TULP4: variants seen among roughly 807,000 people sequenced by gnomAD.
The protein encoded by TULP4 is TUB like protein 4, also known as tubby-related protein 4.
Under a neutral mutation model 129.0 loss-of-function variants are expected in TULP4, and 16 were observed. The observed-to-expected ratio is 0.12, with a 90% CI of 0.08 to 0.19. TULP4 has a LOEUF of 0.19. Among genes scored for constraint, TULP4 ranks in the 10% least tolerant of loss-of-function variants. The pLI is 1.00. For synonymous variants in TULP4, 998 were observed against 854.0 expected (o/e 1.17, Z -2.94); for missense variants, 1,842 against 2,059.1 (o/e 0.89, Z 2.04).
chr6:158,489,635 A>C lies in TULP4; in HGVS notation c.1534A>C (p.Asn512His). 6.2e-7 allele frequency: 1 copy of C among 1,614,198 alleles called. No homozygotes were observed. Among genetic ancestry groups the C allele is most frequent in the Non-Finnish European group, 8.5e-7 (1 of 1,180,042 alleles). Residue 512 changes from asparagine to histidine, a missense_variant, in exon 9 of 14, where the codon AAC becomes CAC. Asn to His is a moderately conservative substitution (Grantham distance 68). This residue lies in a region of TULP4 where 456 missense variants were observed against 534.3 expected (regional missense o/e 0.85). Transcript: ENST00000367097. ...SLISTVIDSC[N>H]CSDSSDIELS... ...GATTTCTACTGTGATCGACAGCTGC[A>C]ACTGCTCAGACTCCAGTGACATTGA...
intron 1 of TULP4, among the ~76,000 whole-genome samples, chr6:158,350,308 C>T (rs1454145055): frequency 2.1e-5 from 3 of 145,806 alleles, no homozygotes; most frequent in African/African-American, 7.7e-5. Flanking sequence ...AGACGCTGCT[C>T]ACTTCCTAGA....
chr6:158,340,535 C>T (rs866559807), intron 1 of TULP4, among the ~76,000 whole-genome samples: 1 of 152,092 alleles, frequency 6.6e-6, no homozygotes, highest in African/African-American at 2.4e-5. Context: ...GTACTGCTCC[C>T]AAACCAGGCC....
rs1779419273 is a variant in TULP4 at position 158,313,787 on chromosome 6, C to T, written c.-230C>T. 1.9e-6 allele frequency: 1 copy of T among 531,018 alleles called. No homozygotes were observed. The highest frequency in any genetic ancestry group is 3.3e-6 in the Non-Finnish European group (1 of 305,430). The allele number at this position is 531,018 out of a possible 1,614,324, so 32.9% of individuals were successfully genotyped here. Reference sequence around the variant, plus strand: ...GGACCCCATGTTTTTTTAAGCATTACCTTTTCTTAGAAGACTGCCATCATC... The same window carrying T: ...GGACCCCATGTTTTTTTAAGCATTATCTTTTCTTAGAAGACTGCCATCATC... On this transcript the variant is annotated 5_prime_UTR_variant, in exon 1 of 14. Transcript: ENST00000367097.
In TULP4 at chr6:158,313,662, G is replaced by A. The variant is rs1458844746; in HGVS notation, c.-355G>A. 5 of 444,266 alleles carry A rather than the reference G, an allele frequency of 1.1e-5. No homozygotes were observed. The highest frequency in any genetic ancestry group is 3.8e-5 in the Admixed American group (1 of 26,148). 27.5% of individuals were successfully genotyped at this position (444,266 alleles called of 1,614,324 possible). On this transcript the variant is annotated 5_prime_UTR_variant, in exon 1 of 14. Transcript: ENST00000367097. Reference sequence around the variant, plus strand: ...GGCTGAATGAGAATAACCAAGTGGAGTAAAAAGAAGAAAACCGTTTCTTGA... The same window carrying A: ...GGCTGAATGAGAATAACCAAGTGGAATAAAAAGAAGAAAACCGTTTCTTGA...
intron 1 of TULP4, among the ~76,000 whole-genome samples, chr6:158,243,735 C>G (rs1422556827): frequency 6.6e-6 from 1 of 151,834 alleles, no homozygotes; most frequent in African/African-American, 2.4e-5. Context: ...AGGAAGTCTT[C>G]TTTCTTTCTT....
upstream of TULP4, among the ~76,000 whole-genome samples, chr6:158,308,477 C>T (rs1269800547): frequency 8.5e-5 from 13 of 152,068 alleles, no homozygotes; most frequent in East Asian, 1.9e-4. Flanking sequence ...TCCACAAAAC[C>T]GCCATTGTCA....
intron 11 of TULP4, among the ~76,000 whole-genome samples, chr6:158,496,572 A>G (rs1262903285): frequency 6.6e-6 from 1 of 152,256 alleles, no homozygotes; most frequent in Non-Finnish European, 1.5e-5. Context: ...AAACACTCTG[A>G]TGACCACAAA....
chr6:158,489,208 G>A (rs1780138355), intron 8 of TULP4, among the ~76,000 whole-genome samples: 1 of 152,200 alleles, frequency 6.6e-6, no homozygotes, highest in South Asian at 2.1e-4. Context: ...GGTTCTCAGG[G>A]GAATCAGTGA....
chr6:158,288,717 G>T lies in TULP4; in HGVS notation n.116+6339G>T, dbSNP rs1055977335. ...GGGTTTCACCGTGTTAGCCAGGATG[G>T]TCTCGATCTCCTGACCTCGTGATCC... On this transcript the variant is annotated intron_variant and non_coding_transcript_variant, in intron 1 of 1. Transcript: ENST00000432358. Among the ~76,000 whole-genome samples the T allele has an allele frequency of 2.0e-5, 3 of 152,130 alleles. No homozygotes were observed. In the East Asian group the frequency reaches 5.8e-4, roughly 29 times the overall value.
intron 1 of TULP4, among the ~76,000 whole-genome samples, chr6:158,380,320 C>T (rs184831896): frequency 1.3e-5 from 2 of 152,306 alleles, no homozygotes; most frequent in Admixed American, 6.5e-5. Flanking sequence ...TTGGCAATAA[C>T]GTATTATGCT....
At chr6:158,314,443 T>G (rs539655744) in intron 1 of TULP4, among the ~76,000 whole-genome samples, 175 bp downstream of exon 1, 1 of 152,140 alleles carries the variant, frequency 6.6e-6, no homozygotes, top group African/African-American at 2.4e-5. Flanking sequence ...TGGACATAGT[T>G]CACAGTAGGC....
At chr6:158,366,124 C>G (rs934352464) in intron 1 of TULP4, among the ~76,000 whole-genome samples, 1 of 151,706 alleles carries the variant, frequency 6.6e-6, no homozygotes, top group Non-Finnish European at 1.5e-5. Flanking sequence ...AGGATGGTCT[C>G]GATCTCCTGA....
At chr6:158,357,955 T>C (rs1280524637) in intron 1 of TULP4, among the ~76,000 whole-genome samples, 1 of 152,186 alleles carries the variant, frequency 6.6e-6, no homozygotes, top group Non-Finnish European at 1.5e-5. Flanking sequence ...CGCTCATTCT[T>C]CTGGACCCAG....
intron 1 of TULP4, among the ~76,000 whole-genome samples, chr6:158,343,541 A>G (rs1780234768): frequency 6.6e-6 from 1 of 152,068 alleles, no homozygotes; most frequent in Non-Finnish European, 1.5e-5. Flanking sequence ...CTTAGGCCCT[A>G]GAGAGCTCGC....
At chr6:158,295,927 C>T (rs1486324447) in intron 1 of TULP4, among the ~76,000 whole-genome samples, 1 of 152,204 alleles carries the variant, frequency 6.6e-6, no homozygotes, top group Non-Finnish European at 1.5e-5. Flanking sequence ...ATACAAGCAA[C>T]ACACCTTTGT....
At position 158,292,927 on chromosome 6, in the gene TULP4, C is replaced by T. The variant is rs561122666; in HGVS notation, n.116+10549C>T. Among the ~76,000 whole-genome samples the T allele has an allele frequency of 7.2e-5, 11 of 152,284 alleles. No homozygotes were observed. In the East Asian group the frequency reaches 1.2e-3, roughly 16 times the overall value. On this transcript the variant is annotated intron_variant and non_coding_transcript_variant, in intron 1 of 1. Coordinates refer to the TULP4 transcript ENST00000432358. ...ACAGGCTATTATTTCTTTCAGACTT[C>T]GTTGCTTTGATAAATAAAATGCCCC...
chr6:158,337,996 C>G (rs1288444791), intron 1 of TULP4, among the ~76,000 whole-genome samples: 5 of 152,264 alleles, frequency 3.3e-5, no homozygotes, highest in Admixed American at 1.3e-4. Flanking sequence ...CTGTCTCCAC[C>G]CAACAGTGAA....
chr6:158,270,504 C>T (rs916910869), intron 1 of TULP4, among the ~76,000 whole-genome samples: 6 of 152,162 alleles, frequency 3.9e-5, no homozygotes, highest in African/African-American at 7.2e-5. Flanking sequence ...TGTCAGCACC[C>T]GGCCTGTTCG....
At chr6:158,242,332 C>G in intron 1 of TULP4, 1 of 1,537,902 alleles carries the variant, frequency 6.5e-7, no homozygotes, top group African/African-American at 1.4e-5. Context: ...CTCTCTGGAG[C>G]CACTTTTTCC....
Sources: allele counts gnomAD v4.1 joint callset (sites outside exome capture counted in the v4.1 genomes callset), GRCh38; gene constraint gnomAD v4.1.1; regional missense constraint gnomAD v4.1.1; transcripts MANE v1.5; gene names NCBI Gene and HGNC (gene_info 2026-07-23, HGNC 2026-07-21).